The following UBE2R2 variants were observed in gnomAD, a reference collection of about 807,000 sequenced individuals.
The protein encoded by UBE2R2 is ubiquitin-conjugating enzyme E2 R2.
A neutral mutation model predicts 27.8 loss-of-function variants in UBE2R2; 1 was observed. The observed-to-expected ratio is 0.04, with a 90% CI of 0.01 to 0.17. UBE2R2 has a LOEUF of 0.17. UBE2R2 is among the 10% of genes least tolerant of loss of function. The pLI, the probability that UBE2R2 is intolerant of heterozygous loss-of-function variation, is 1.00. For synonymous variants in UBE2R2, 106 were observed against 113.3 expected (o/e 0.94, Z 0.41); for missense variants, 100 against 291.0 (o/e 0.34, Z 4.78).
chr9:33,821,700 C>G (rs1329160875), intron 1 of UBE2R2, among the ~76,000 whole-genome samples: 2 of 151,998 alleles, frequency 1.3e-5, no homozygotes, highest in African/African-American at 4.8e-5. Context: ...ACTGCAACCT[C>G]TGCCTCCTGG....
rs181919343 is a variant in UBE2R2, at chr9:33,878,000, G to A, written c.178-8881G>A. On this transcript the variant is annotated intron_variant, in intron 1 of 4. Coordinates refer to ENST00000263228, the MANE Select transcript of UBE2R2 (RefSeq NM_017811.4). ...TTGAACTCATGACCTCAGGTGATCCGCCCACCTCAGCCTCCCAAAGTGCTA... is the reference window on the plus strand; with the variant it reads ...TTGAACTCATGACCTCAGGTGATCCACCCACCTCAGCCTCCCAAAGTGCTA... Among the ~76,000 whole-genome samples, 186 of 151,978 alleles carry A rather than the reference G, an allele frequency of 1.2e-3. 1 individual carries two copies. The highest frequency in any genetic ancestry group is 0.011 in the Admixed American group (166 of 15,260).
intron 3 of UBE2R2, among the ~76,000 whole-genome samples, chr9:33,900,831 G>T (rs1822227119): frequency 6.6e-6 from 1 of 152,110 alleles, no homozygotes; most frequent in Non-Finnish European, 1.5e-5. Context: ...GCCTCCCAAA[G>T]CGCTGGGATT....
Position 33,917,081 on chromosome 9 carries a change from G to A in UBE2R2, c.561G>A (p.Leu187=). 6.2e-7 allele frequency: 1 copy of A among 1,614,206 alleles called. No homozygotes were observed. Among genetic ancestry groups the A allele is most frequent in the Non-Finnish European group, 8.5e-7 (1 of 1,180,046 alleles). ...EKDGVKVPTT[L]AEYCIKTKVP... Reference sequence around the variant, plus strand: ...ATGGAGTGAAGGTCCCCACAACCCTGGCGGAATACTGCATCAAAACTAAAG... The same window carrying A: ...ATGGAGTGAAGGTCCCCACAACCCTAGCGGAATACTGCATCAAAACTAAAG... Residue 187 remains leucine, a synonymous_variant, in exon 5 of 5, where the codon CTG becomes CTA. Coordinates refer to ENST00000263228, the MANE Select transcript of UBE2R2 (RefSeq NM_017811.4).
intron 2 of UBE2R2, among the ~76,000 whole-genome samples, chr9:33,891,063 T>TTTGTTTTTTA (rs1821974343): frequency 6.7e-6 from 1 of 149,358 alleles, no homozygotes; most frequent in Non-Finnish European, 1.5e-5. Context: ...TTGTTTTTTT[T>TTTGTTTTTTA]TTTTGAGATG....
chr9:33,889,243 A>G (rs967684503), intron 2 of UBE2R2, among the ~76,000 whole-genome samples: 4 of 152,194 alleles, frequency 2.6e-5, no homozygotes, highest in African/African-American at 4.8e-5. Context: ...ATTGCTCACA[A>G]TTCTGGAGGC....
intron 1 of UBE2R2, among the ~76,000 whole-genome samples, chr9:33,856,869 C>CCTTCCATCCATCCATCCGTCTGTCCGTG (rs1563989913): frequency 1.4e-5 from 2 of 138,742 alleles, no homozygotes; most frequent in Admixed American, 7.2e-5. Flanking sequence ...GTCTGTCCGT[C>CCTTCCATCCATCCATCCGTCTGTCCGTG]CTTCCTTCCT....
At chr9:33,913,206 G>A (rs780121544) in intron 4 of UBE2R2, among the ~76,000 whole-genome samples, 3 of 151,870 alleles carry the variant, frequency 2.0e-5, no homozygotes, top group Non-Finnish European at 4.4e-5. Flanking sequence ...TGATCCACCC[G>A]CCTTGGCCTC....
intron 4 of UBE2R2, among the ~76,000 whole-genome samples, chr9:33,916,575 T>C (rs1386646752): frequency 6.6e-6 from 1 of 152,184 alleles, no homozygotes; most frequent in Non-Finnish European, 1.5e-5. Flanking sequence ...CCCAAGAAAC[T>C]AGGAGGCGTA....
At chr9:33,829,604 A>G (rs10971723) in intron 1 of UBE2R2, among the ~76,000 whole-genome samples, 12,002 of 152,192 alleles carry the variant, frequency 0.079, 685 homozygotes, top group Non-Finnish European at 0.12. Context: ...GATGATAGAG[A>G]AAGTTAAATT....
At chr9:33,836,903 AG>A (rs779619384) in intron 1 of UBE2R2, among the ~76,000 whole-genome samples, 2 of 152,138 alleles carry the variant, frequency 1.3e-5, no homozygotes, top group Non-Finnish European at 2.9e-5. Context: ...TAGAATTTCG[AG>A]GACATTACTG....
chr9:33,893,305 G>A (rs1822028996), intron 2 of UBE2R2, among the ~76,000 whole-genome samples: 1 of 152,100 alleles, frequency 6.6e-6, no homozygotes, highest in Admixed American at 6.5e-5. Context: ...AGTATAAATA[G>A]CGTCATATAG....
chr9:33,904,511 G>A (rs1822309821), intron 3 of UBE2R2, among the ~76,000 whole-genome samples: 1 of 152,110 alleles, frequency 6.6e-6, no homozygotes, highest in African/African-American at 2.4e-5. Flanking sequence ...CAAGACTATT[G>A]TTCAGCACCT....
intron 1 of UBE2R2, among the ~76,000 whole-genome samples, chr9:33,871,107 C>T (rs1453841314): frequency 6.6e-6 from 1 of 152,224 alleles, no homozygotes; most frequent in Non-Finnish European, 1.5e-5. Flanking sequence ...CTGAATGTCT[C>T]AGCCAGAATT....
At chr9:33,859,969 G>A (rs1821193190) in intron 1 of UBE2R2, among the ~76,000 whole-genome samples, 1 of 151,950 alleles carries the variant, frequency 6.6e-6, no homozygotes, top group African/African-American at 2.4e-5. Context: ...ACCATGTCCA[G>A]CTAATTTTTA....
chr9:33,818,862 G>C (rs2130703838), intron 1 of UBE2R2: 1 of 152,278 alleles, frequency 6.6e-6, no homozygotes, highest in African/African-American at 2.4e-5. Context: ...CTCTGGGTGG[G>C]ATGTATGGTT....
intron 1 of UBE2R2, among the ~76,000 whole-genome samples, chr9:33,876,149 G>A (rs958336929): frequency 2.0e-5 from 3 of 152,118 alleles, no homozygotes; most frequent in African/African-American, 7.2e-5. Context: ...ATCACCTGAG[G>A]TCAGGAGTTC....
chr9:33,899,823 A>T (rs780205076), intron 2 of UBE2R2, among the ~76,000 whole-genome samples: 7 of 152,190 alleles, frequency 4.6e-5, no homozygotes, highest in Non-Finnish European at 8.8e-5. Context: ...TCAGGATTGT[A>T]CTATAGGAAT....
rs546870314 is a variant in UBE2R2 at position 33,914,783 on chromosome 9, C to A, written c.498-2235C>A. Among the ~76,000 whole-genome samples the A allele has an allele frequency of 7.7e-3, 1,154 of 150,368 alleles. 10 individuals carry two copies. Among genetic ancestry groups the A allele is most frequent in the African/African-American group, 0.026 (1,069 of 40,794 alleles). ...GGCAGAGGTTGCAGTGAGCTGAGAT[C>A]GCGCCACTGCACTCCAGCCTGGGAA... On this transcript the variant is annotated intron_variant, in intron 4 of 4. Coordinates refer to ENST00000263228, the MANE Select transcript of UBE2R2 (RefSeq NM_017811.4).
intron 1 of UBE2R2, among the ~76,000 whole-genome samples, chr9:33,820,079 A>C (rs1825949278): frequency 6.6e-6 from 1 of 152,230 alleles, no homozygotes; most frequent in African/African-American, 2.4e-5. Context: ...GAATAATCTC[A>C]CTCCAATAAA....
Sources: gnomAD v4.1 joint callset for allele counts (sites outside exome capture counted in the v4.1 genomes callset) on GRCh38, gnomAD v4.1.1 for gene constraint, MANE v1.5 for transcripts, NCBI Gene and HGNC (gene_info 2026-07-23, HGNC 2026-07-21) for gene names.